XDH: variants seen among roughly 807,000 people sequenced by gnomAD.
The protein encoded by XDH is xanthine dehydrogenase.
XDH carries 138 observed loss-of-function variants against 156.1 expected under a neutral mutation model. The observed-to-expected ratio is 0.88, with a 90% CI of 0.77 to 1.02. The LOEUF is 1.02. Among genes scored for constraint, XDH ranks in the 50% least tolerant of loss-of-function variants. The pLI is 0.00. For missense variants in XDH, 1,849 were observed against 1,684.9 expected, an observed-to-expected ratio of 1.10 and a Z score of -1.71; for synonymous variants, 669 against 625.7, an observed-to-expected ratio of 1.07 and a Z score of -1.03.
chr2:31,375,018 TC>T (rs1313571090), intron 15 of XDH, among the ~76,000 whole-genome samples: 1,629 of 107,546 alleles, frequency 0.015, 55 homozygotes, highest in African/African-American at 0.071. Context: ...TTTCTTTCTT[TC>T]TTTCTTTTTT....
intron 1 of XDH, among the ~76,000 whole-genome samples, chr2:31,408,476 C>T (rs1687252153): frequency 6.6e-6 from 1 of 152,192 alleles, no homozygotes; most frequent in Admixed American, 6.5e-5. Flanking sequence ...TTGGGTTAAG[C>T]AGATTGCTCT....
intron 24 of XDH, among the ~76,000 whole-genome samples, chr2:31,355,965 A>G (rs557488591): frequency 6.6e-6 from 1 of 152,316 alleles, no homozygotes; most frequent in South Asian, 2.1e-4. Flanking sequence ...AGAAAGCAAG[A>G]GTGGCTTTAT....
intron 4 of XDH, 82 bp downstream of exon 4, chr2:31,401,138 G>T: frequency 6.6e-7 from 1 of 1,507,870 alleles, no homozygotes; most frequent in Non-Finnish European, 9.1e-7. Flanking sequence ...ACAACCCAAA[G>T]CAAGTCTGCA....
chr2:31,386,335 G>A, intron 9 of XDH, 79 bp downstream of exon 9: 2 of 1,583,620 alleles, frequency 1.3e-6, no homozygotes, highest in East Asian at 2.2e-5. Context: ...AAAGTCAGGG[G>A]GAGGTGAGGA....
intron 18 of XDH, among the ~76,000 whole-genome samples, chr2:31,368,888 C>A (rs1685995579): frequency 6.6e-6 from 1 of 152,142 alleles, no homozygotes; most frequent in Non-Finnish European, 1.5e-5. Context: ...TTAGTACTGG[C>A]AGACTATTGA....
intron 24 of XDH, among the ~76,000 whole-genome samples, chr2:31,361,310 T>C (rs1399309213): frequency 1.3e-5 from 2 of 152,232 alleles, no homozygotes; most frequent in South Asian, 2.1e-4. Flanking sequence ...TTAGTAGCTA[T>C]TGGACATAAA....
chr2:31,337,742 C>A lies in XDH; in HGVS notation c.3850G>T (p.Ala1284Ser), dbSNP rs1685004568. Residue 1284 changes from alanine (A) to serine (S), a missense_variant, in exon 35 of 36, where the codon GCT becomes TCT. Coordinates refer to ENST00000379416, the MANE Select transcript of XDH (RefSeq NM_000379.4). Reference protein sequence around the residue: ...AIKDAIRAARAQHTGNNVKEL... With the variant: ...AIKDAIRAARSQHTGNNVKEL... ...TTCACGTTATTACCTGTGTGCTGAG[C>A]TCGAGCTGCACGGATGGCATCTTTG... 1 of 1,614,214 alleles carries A rather than the reference C, an allele frequency of 6.2e-7. No homozygotes were observed. The highest frequency in any genetic ancestry group is 8.5e-7 in the Non-Finnish European group (1 of 1,180,046).
intron 33 of XDH, among the ~76,000 whole-genome samples, chr2:31,340,738 G>C (rs190043788): frequency 2.0e-5 from 3 of 152,284 alleles, no homozygotes; most frequent in African/African-American, 7.2e-5. Flanking sequence ...CCAGAGTGCT[G>C]GGATTACAGG....
intron 24 of XDH, among the ~76,000 whole-genome samples, chr2:31,356,473 G>T (rs1032709622): frequency 1.3e-5 from 2 of 152,210 alleles, no homozygotes; most frequent in African/African-American, 4.8e-5. Context: ...TAAGAGAGAA[G>T]TATGTCTAGG....
At chr2:31,385,276 T>C (rs1372122907) in intron 9 of XDH, among the ~76,000 whole-genome samples, 1 of 152,120 alleles carries the variant, frequency 6.6e-6, no homozygotes. Flanking sequence ...GAGCCATGAG[T>C]CCTGTTGAGC....
At position 31,347,553 on chromosome 2, in the gene XDH, A is replaced by G; in HGVS notation, c.3245T>C (p.Val1082Ala). 6.2e-7 allele frequency: 1 copy of G among 1,614,166 alleles called. No homozygotes were observed. The highest frequency in any genetic ancestry group is 8.5e-7 in the Non-Finnish European group (1 of 1,180,020). Residue 1082 changes from valine (V) to alanine (A), a missense_variant, in exon 29 of 36, where the codon GTC becomes GCC. Val to Ala is a moderately conservative substitution (Grantham distance 64, BLOSUM62 0). Transcript: ENST00000379416. ...GGCCTGTCCATTGAGGTCAGCGCTG[A>G]CAGAGGCAGCCGTGGGAGAGGTGTT... ...VPNTSPTAAS[V>A]SADLNGQAVY...
At chr2:31,380,334 C>G (rs1215836586) in intron 12 of XDH, among the ~76,000 whole-genome samples, 1 of 152,216 alleles carries the variant, frequency 6.6e-6, no homozygotes, top group Non-Finnish European at 1.5e-5. Context: ...CTGCTGTCCT[C>G]TGTAGGGGTT....
At chr2:31,406,018 T>C in intron 1 of XDH, 54 bp from the exon 2 acceptor site, 1 of 1,584,012 alleles carries the variant, frequency 6.3e-7, no homozygotes, top group Non-Finnish European at 8.7e-7. Context: ...GTCATCTTTC[T>C]GCAATTAATT....
chr2:31,413,993 G>A (rs145371349), intron 1 of XDH, among the ~76,000 whole-genome samples: 26 of 152,224 alleles, frequency 1.7e-4, no homozygotes, highest in Admixed American at 1.7e-3. Context: ...GTAGGTAACA[G>A]ATTTGCAGCT....
At chr2:31,349,019 C>T (rs1433735818) in intron 26 of XDH, 39 bp from the exon 27 acceptor site, 1 of 1,576,026 alleles carries the variant, frequency 6.3e-7, no homozygotes, top group Non-Finnish European at 8.7e-7. Context: ...CCTTCGCTAT[C>T]ATATTGAGGA....
intron 13 of XDH, among the ~76,000 whole-genome samples, chr2:31,378,375 T>C (rs1377193934): frequency 6.6e-6 from 1 of 152,166 alleles, no homozygotes; most frequent in Non-Finnish European, 1.5e-5. Context: ...CTGTGTCAGG[T>C]TCCTTTTGAG....
At chr2:31,353,431 G>A (rs962727289) in intron 24 of XDH, among the ~76,000 whole-genome samples, 32 of 152,002 alleles carry the variant, frequency 2.1e-4, no homozygotes, top group Admixed American at 2.0e-3. Flanking sequence ...TAAAAACTCT[G>A]GAATTCTATA....
At chr2:31,372,546 C>T (rs1686105845) in intron 16 of XDH, 149 bp from the exon 17 acceptor site, 3 of 988,462 alleles carry the variant, frequency 3.0e-6, no homozygotes, top group Non-Finnish European at 4.5e-6. Flanking sequence ...GCAAAGGGAA[C>T]AGGAAGGTGC....
At chr2:31,398,496 C>T in intron 5 of XDH, 77 bp downstream of exon 5, 1 of 1,607,842 alleles carries the variant, frequency 6.2e-7, no homozygotes, top group Non-Finnish European at 8.5e-7. Flanking sequence ...TCATGCTTCT[C>T]ACCCTGGCAC....
Sources: allele counts gnomAD v4.1 joint callset (sites outside exome capture counted in the v4.1 genomes callset), GRCh38; gene constraint gnomAD v4.1.1; transcripts MANE v1.5; gene names NCBI Gene and HGNC (gene_info 2026-07-23, HGNC 2026-07-21).